UPK1A: variants seen among roughly 807,000 people sequenced by gnomAD.
The protein encoded by UPK1A is uroplakin 1A, also known as uroplakin-1a.
Under a neutral mutation model 32.3 loss-of-function variants are expected in UPK1A, and 31 were observed. The ratio of observed to expected loss-of-function variants is 0.96; its 90% CI spans 0.72 to 1.30. The LOEUF (loss-of-function observed/expected upper bound fraction) is 1.30. Among genes scored for constraint, UPK1A ranks in the 50% most tolerant of loss-of-function variants. UPK1A has a pLI of 0.00. For synonymous variants in UPK1A, 135 were observed against 137.1 expected (o/e 0.98, Z 0.11); for missense variants, 340 against 357.4 (o/e 0.95, Z 0.39).
At chr19:35,670,326 G>C (rs1599629800) in intron 3 of UPK1A, among the ~76,000 whole-genome samples, 1 of 151,978 alleles carries the variant, frequency 6.6e-6, no homozygotes, top group African/African-American at 2.4e-5. Context: ...TGTGGACTTT[G>C]GCTTTATCCT....
intron 6 of UPK1A, among the ~76,000 whole-genome samples, chr19:35,676,769 C>T (rs572740652): frequency 1.3e-5 from 2 of 151,904 alleles, no homozygotes; most frequent in Admixed American, 6.6e-5. Flanking sequence ...AGCAGTAGCA[C>T]GTGCCTGTAA....
chr19:35,669,318 C>G (rs752673191), intron 3 of UPK1A, among the ~76,000 whole-genome samples: 23 of 152,008 alleles, frequency 1.5e-4, no homozygotes, highest in Admixed American at 2.6e-4. Context: ...AAGAATAACC[C>G]ATACTTCCCA....
At chr19:35,673,716 G>A (rs1968139208) in intron 5 of UPK1A, among the ~76,000 whole-genome samples, 171 bp downstream of exon 5, 1 of 152,106 alleles carries the variant, frequency 6.6e-6, no homozygotes, top group Non-Finnish European at 1.5e-5. Flanking sequence ...GAGTAAACAG[G>A]CCCAGAAAGG....
exon 7 of UPK1A, chr19:35,677,874 G>T (rs1401978868): frequency 6.4e-7 from 1 of 1,554,746 alleles, no homozygotes; most frequent in South Asian, 1.1e-5. Context: ...CGTGGTTTGG[G>T]TTTGCCATCC....
Position 35,669,381 on chromosome 19 carries a change from G to A in UPK1A, c.285+727G>A, listed in dbSNP as rs117465048. 4.5e-4 allele frequency among the ~76,000 whole-genome samples: 68 copies of A among 151,910 alleles called. No individual in the cohort carries two copies. In the East Asian group the frequency reaches 8.1e-3, roughly 18 times the overall value. On this transcript the variant is annotated intron_variant, in intron 3 of 7. Coordinates refer to ENST00000617999, the Ensembl canonical transcript of UPK1A. The stretch of plus-strand genomic sequence containing the variant: ...GTAAGCAGTTTAGAAAATGAGCTTC[G>A]TGGCCAGGCGCAGTGGCTCATGCCT...
At chr19:35,676,624 C>T (rs1341831067) in intron 6 of UPK1A, among the ~76,000 whole-genome samples, 3 of 151,832 alleles carry the variant, frequency 2.0e-5, no homozygotes, top group South Asian at 2.1e-4. Flanking sequence ...TAGGGCCGGG[C>T]GCGATGGCTC....
intron 3 of UPK1A, among the ~76,000 whole-genome samples, chr19:35,670,653 G>A (rs1968079074): frequency 7.2e-6 from 1 of 138,284 alleles, no homozygotes; most frequent in South Asian, 2.5e-4. Flanking sequence ...ATGGAGCCAT[G>A]GACTTCCTTC....
chr19:35,668,478 G>A, exon 3 of UPK1A: 1 of 1,614,208 alleles, frequency 6.2e-7, no homozygotes, highest in Non-Finnish European at 8.5e-7. Context: ...CCTGTTTGCT[G>A]AGACCATATG....
chr19:35,674,671 T>C (rs569487645), intron 5 of UPK1A, among the ~76,000 whole-genome samples: 1 of 152,192 alleles, frequency 6.6e-6, no homozygotes, highest in East Asian at 1.9e-4. Flanking sequence ...GTCACAGAAC[T>C]GGAAGGATTC....
intron 3 of UPK1A, among the ~76,000 whole-genome samples, chr19:35,671,714 G>A (rs537334616): frequency 5.0e-4 from 75 of 151,250 alleles, no homozygotes; most frequent in African/African-American, 1.5e-3. Flanking sequence ...CGCCCACCTC[G>A]GCTTCCCAAA....
exon 8 of UPK1A, chr19:35,678,174 A>T: frequency 1.0e-6 from 1 of 978,486 alleles, no homozygotes; most frequent in Non-Finnish European, 1.5e-6. Flanking sequence ...CAGGTTCCTG[A>T]GCCCTACTGT....
intron 3 of UPK1A, among the ~76,000 whole-genome samples, chr19:35,672,259 ATGT>A (rs1262643853): frequency 6.6e-6 from 1 of 151,940 alleles, no homozygotes; most frequent in Non-Finnish European, 1.5e-5. Flanking sequence ...ACATCGTTTT[ATGT>A]TGTTTGTTTT....
At chr19:35,675,758 G>T in intron 5 of UPK1A, 82 bp from the exon 6 acceptor site, 1 of 1,490,548 alleles carries the variant, frequency 6.7e-7, no homozygotes. Flanking sequence ...GGCCAATCCT[G>T]CCCCTCCTTG....
In UPK1A at chr19:35,677,868, G is replaced by GTTTGGGT; in HGVS notation, c.708_714dup (p.Ala239TrpfsTer75). On this transcript the variant is annotated frameshift_variant, in exon 7 of 8. Transcript: ENST00000617999. LOFTEE classifies it high-confidence loss of function. ...ACAGCTACACGTGGGGTATCTCGTG[G>GTTTGGGT]TTTGGGTTTGCCATCCTGATGTGGA... 6.4e-7 allele frequency: 1 copy of GTTTGGGT among 1,571,622 alleles called. No homozygotes were observed. The highest frequency in any genetic ancestry group is 1.1e-5 in the South Asian group (1 of 90,358).
chr19:35,677,486 A>G (rs1246855667), intron 6 of UPK1A, among the ~76,000 whole-genome samples: 2 of 151,636 alleles, frequency 1.3e-5, no homozygotes, highest in Non-Finnish European at 2.9e-5. Context: ...AGATCATGCC[A>G]CTGCACTGTA....
rs114182060 is a variant in UPK1A at position 35,673,215 on chromosome 19, T to C, written c.286-17T>C. The stretch of plus-strand genomic sequence containing the variant: ...ACGGGCTCTGCCCGACGGGCCGTCC[T>C]CCCTCTGTCTCCCCAGTACCTGGTG... On this transcript the variant is annotated splice_polypyrimidine_tract_variant and intron_variant, in intron 3 of 7. Transcript: ENST00000617999. The C allele has an allele frequency of 4.3e-3, 7,014 of 1,613,680 alleles. 268 individuals carry two copies. The African/African-American group carries it at 0.082, about 19-fold the overall frequency.
At chr19:35,673,576 C>T (rs772868747) in intron 5 of UPK1A, 31 bp downstream of exon 5, 2 of 1,599,980 alleles carry the variant, frequency 1.3e-6, no homozygotes, top group South Asian at 1.1e-5. Context: ...GCTGGGAGGG[C>T]CCTGGGCTCC....
At position 35,677,936 on chromosome 19, in the gene UPK1A, G is replaced by A. The variant is rs200442790; in HGVS notation, c.733-39G>A. 1.1e-4 allele frequency: 180 copies of A among 1,584,950 alleles called. No homozygotes were observed. The African/African-American group carries it at 2.0e-3, about 17-fold the overall frequency. On this transcript the variant is annotated intron_variant, in intron 7 of 7. Coordinates refer to ENST00000617999, the Ensembl canonical transcript of UPK1A. ...CCCACAGGCTGGGTGGGCTGGGGGT[G>A]GGGGGCGGAGTGCCCTCATCTCGCT...
At chr19:35,674,834 G>C (rs1019061874) in intron 5 of UPK1A, among the ~76,000 whole-genome samples, 4 of 151,952 alleles carry the variant, frequency 2.6e-5, no homozygotes, top group African/African-American at 9.7e-5. Flanking sequence ...TTGAGTTCAG[G>C]GGTTCAAGAC....
Sources: gnomAD v4.1 joint callset for allele counts (sites outside exome capture counted in the v4.1 genomes callset) on GRCh38, gnomAD v4.1.1 for gene constraint, MANE v1.5 for transcripts, NCBI Gene and HGNC (gene_info 2026-07-23, HGNC 2026-07-21) for gene names.